The following PRMT3 variants were observed in gnomAD, a reference collection of about 807,000 sequenced individuals.
PRMT3 encodes the protein protein arginine methyltransferase 3.
PRMT3 carries 62 observed loss-of-function variants against 71.9 expected under a neutral mutation model. The ratio of observed to expected loss-of-function variants is 0.86; its 90% CI spans 0.70 to 1.07. The LOEUF is 1.07. Ranked by LOEUF, PRMT3 falls within the 50% of genes least tolerant of loss-of-function variation. The pLI is 0.00. For synonymous variants in PRMT3, 213 were observed against 220.4 expected (o/e 0.97, Z 0.30); for missense variants, 663 against 643.0 (o/e 1.03, Z -0.34).
chr11:20,482,404 G>A (rs991174835), intron 13 of PRMT3, among the ~76,000 whole-genome samples: 5 of 152,030 alleles, frequency 3.3e-5, no homozygotes, highest in African/African-American at 1.2e-4. Context: ...AATCAGCAAT[G>A]TTGAAGGACA....
In PRMT3 at chr11:20,494,199, A is replaced by C; in HGVS notation, c.1431A>C (p.Lys477Asn). ...VVFSTGPQST[K>N]THWKQTVFLL... ...TCTCTACGGGCCCTCAGAGCACCAA[A>C]ACACACTGGAAACAAACAGTATTTC... The change falls in exon 15 of 16, where the codon AAA (lysine) becomes AAC (asparagine). Residue 477 changes from lysine (K) to asparagine (N), a missense_variant. Transcript: ENST00000331079. The C allele has an allele frequency of 1.2e-6, 2 of 1,611,896 alleles. No homozygotes were observed. The highest frequency in any genetic ancestry group is 1.7e-6 in the Non-Finnish European group (2 of 1,177,960).
At chr11:20,448,283 G>A (rs1590071648) in intron 10 of PRMT3, among the ~76,000 whole-genome samples, 1 of 152,056 alleles carries the variant, frequency 6.6e-6, no homozygotes, top group East Asian at 1.9e-4. Flanking sequence ...GAATCTGTAT[G>A]TTTTTACTTG....
At chr11:20,458,948 C>T (rs919784362) in intron 11 of PRMT3, among the ~76,000 whole-genome samples, 1 of 151,990 alleles carries the variant, frequency 6.6e-6, no homozygotes, top group Non-Finnish European at 1.5e-5. Context: ...TATGGTGTCA[C>T]TAATATATTA....
chr11:20,460,955 T>TA (rs531774710), intron 11 of PRMT3, among the ~76,000 whole-genome samples: 13 of 152,242 alleles, frequency 8.5e-5, no homozygotes, highest in Non-Finnish European at 1.6e-4. Context: ...GTTTTCATCT[T>TA]AGACCCTCCC....
intron 8 of PRMT3, among the ~76,000 whole-genome samples, chr11:20,403,824 A>G (rs1482173349): frequency 1.3e-5 from 2 of 152,146 alleles, no homozygotes; most frequent in Non-Finnish European, 2.9e-5. Context: ...AGGTTGTTAT[A>G]ATTCGGCTTT....
intron 13 of PRMT3, among the ~76,000 whole-genome samples, chr11:20,470,538 A>G (rs1177517116): frequency 5.3e-5 from 8 of 152,144 alleles, no homozygotes; most frequent in African/African-American, 1.9e-4. Context: ...TCTCAACTCC[A>G]TCCACGGCCC....
intron 9 of PRMT3, among the ~76,000 whole-genome samples, chr11:20,425,201 C>G (rs1330590587): frequency 6.6e-6 from 1 of 151,772 alleles, no homozygotes; most frequent in African/African-American, 2.4e-5. Context: ...GGCAAGCAAG[C>G]CTAGAAAAAA....
At chr11:20,442,760 TTG>T (rs1849937562) in intron 10 of PRMT3, among the ~76,000 whole-genome samples, 2 of 152,234 alleles carry the variant, frequency 1.3e-5, no homozygotes, top group South Asian at 4.1e-4. Context: ...GTAGAATAAA[TTG>T]TATAGACAAT....
At chr11:20,480,558 G>A (rs1401169633) in intron 13 of PRMT3, among the ~76,000 whole-genome samples, 1 of 152,078 alleles carries the variant, frequency 6.6e-6, no homozygotes. Flanking sequence ...GTAGAGTGTT[G>A]TGATCAGAAG....
intron 11 of PRMT3, among the ~76,000 whole-genome samples, chr11:20,455,441 CTA>C (rs757580494): frequency 1.3e-5 from 2 of 152,050 alleles, no homozygotes; most frequent in Non-Finnish European, 1.5e-5. Context: ...TAGATCCTGT[CTA>C]TGTCTCTTGA....
rs528363166 is a variant in PRMT3 at position 20,466,872 on chromosome 11, T to A, written c.1347+2326T>A. Among the ~76,000 whole-genome samples, 8 of 152,098 alleles carry A rather than the reference T, an allele frequency of 5.3e-5. No homozygotes were observed. In the South Asian group the frequency reaches 1.7e-3, roughly 31 times the overall value. The stretch of plus-strand genomic sequence containing the variant: ...GTATCAAATAGTTACTTGCTGCATT[T>A]GTCCCTGTACAAAGTTCCATAAGAA... On this transcript the variant is annotated intron_variant, in intron 13 of 15. Coordinates refer to ENST00000331079, the MANE Select transcript of PRMT3 (RefSeq NM_005788.4).
intron 15 of PRMT3, among the ~76,000 whole-genome samples, chr11:20,498,821 C>A (rs913130213): frequency 4.6e-5 from 7 of 152,190 alleles, no homozygotes; most frequent in African/African-American, 1.7e-4. Context: ...AACCTAGATT[C>A]TGCATCTACA....
chr11:20,473,513 G>T (rs1850703033), intron 13 of PRMT3, among the ~76,000 whole-genome samples: 1 of 152,106 alleles, frequency 6.6e-6, no homozygotes, highest in South Asian at 2.1e-4. Flanking sequence ...AGGAGCAGTT[G>T]TTCAATTTCC....
chr11:20,409,568 A>G (rs980534450), intron 9 of PRMT3, among the ~76,000 whole-genome samples: 2 of 151,896 alleles, frequency 1.3e-5, no homozygotes, highest in Non-Finnish European at 2.9e-5. Context: ...ATACCAAATC[A>G]GTGTTAATGG....
chr11:20,455,683 G>A (rs568669217), intron 11 of PRMT3, among the ~76,000 whole-genome samples: 47 of 151,074 alleles, frequency 3.1e-4, no homozygotes, highest in Non-Finnish European at 4.9e-4. Flanking sequence ...AAGGAATACT[G>A]CTACCAAATA....
At chr11:20,442,316 G>T (rs188554997) in intron 10 of PRMT3, among the ~76,000 whole-genome samples, 25 of 151,590 alleles carry the variant, frequency 1.6e-4, no homozygotes, top group African/African-American at 5.8e-4. Flanking sequence ...TTTTGGGGAG[G>T]ATTGCTTCTT....
intron 9 of PRMT3, 86 bp from the exon 10 acceptor site, chr11:20,426,680 A>T: frequency 7.9e-7 from 1 of 1,270,632 alleles, no homozygotes; most frequent in Non-Finnish European, 1.0e-6. Flanking sequence ...CCACAAAACA[A>T]TACGAGTTGT....
At chr11:20,457,724 TAC>T (rs1217895210) in intron 11 of PRMT3, among the ~76,000 whole-genome samples, 1 of 152,246 alleles carries the variant, frequency 6.6e-6, no homozygotes, top group African/African-American at 2.4e-5. Flanking sequence ...TCACATTTTC[TAC>T]ACTTTTACAT....
intron 9 of PRMT3, among the ~76,000 whole-genome samples, chr11:20,411,023 T>C (rs1371334332): frequency 6.6e-6 from 1 of 152,152 alleles, no homozygotes; most frequent in Non-Finnish European, 1.5e-5. Flanking sequence ...AAAGATGTTT[T>C]TGAGATAACT....
Sources: gnomAD v4.1 joint callset for allele counts (sites outside exome capture counted in the v4.1 genomes callset) on GRCh38, gnomAD v4.1.1 for gene constraint, MANE v1.5 for transcripts, NCBI Gene and HGNC (gene_info 2026-07-23, HGNC 2026-07-21) for gene names.